The following DSC3 variants were observed in gnomAD, a reference collection of about 807,000 sequenced individuals.
The protein encoded by DSC3 is desmocollin 3, also known as desmocollin-3.
A neutral mutation model predicts 89.5 loss-of-function variants in DSC3; 97 were observed. That is an observed-to-expected ratio of 1.08 (90% confidence interval 0.92 to 1.28). DSC3 has a LOEUF of 1.28. Ranked by LOEUF, DSC3 falls within the 50% of genes most tolerant of loss-of-function variation. The probability of loss-of-function intolerance (pLI) is 0.00; values close to 1 mark genes in which losing one functional copy is unlikely to be tolerated. For missense variants in DSC3, 1,199 were observed against 1,085.3 expected, an observed-to-expected ratio of 1.10 and a Z score of -1.47; for synonymous variants, 436 against 384.1, an observed-to-expected ratio of 1.14 and a Z score of -1.58.
In DSC3 at chr18:31,025,793, C is replaced by A. The variant is rs2144721942; in HGVS notation, c.597G>T (p.Arg199=). The A allele has an allele frequency of 1.9e-6, 3 of 1,613,178 alleles. No individual in the cohort carries two copies. In the East Asian group the frequency reaches 6.7e-5, roughly 36 times the overall value. The stretch of plus-strand genomic sequence containing the variant: ...CATCATATTCTTCACGATCCACAGG[C>A]CGAGTGCAAAATAGATTTCCAGTGT... ...ERDTGNLFCT[R]PVDREEYDVF... Residue 199 remains arginine, a synonymous_variant, in exon 5 of 16, where the codon CGG becomes CGT. Transcript: ENST00000360428.
intron 12 of DSC3, among the ~76,000 whole-genome samples, chr18:31,006,143 C>G (rs1176824344): frequency 6.6e-6 from 1 of 152,134 alleles, no homozygotes; most frequent in Non-Finnish European, 1.5e-5. Flanking sequence ...CCCCTCAATA[C>G]TCCTTCCCAT....
chr18:31,040,911 A>T (rs1026480492), intron 1 of DSC3, among the ~76,000 whole-genome samples: 1 of 152,194 alleles, frequency 6.6e-6, no homozygotes, highest in Non-Finnish European at 1.5e-5. Flanking sequence ...TTGTAAACTG[A>T]CAATTGCAGA....
Position 31,004,231 on chromosome 18 carries a change from GTTGGATGAGTACAT to G in DSC3, c.2010_2023del (p.Glu670AspfsTer45). 1 of 1,613,994 alleles carries G rather than the reference GTTGGATGAGTACAT, an allele frequency of 6.2e-7. No individual in the cohort carries two copies. The highest frequency in any genetic ancestry group is 2.2e-5 in the East Asian group (1 of 44,862). Reference sequence around the variant, plus strand: ...ACTCCTTGAAGTCGCACGACACTGAGTTGGATGAGTACATTCACACAGATTAACTCTCAATAATT... The same window carrying G: ...ACTCCTTGAAGTCGCACGACACTGAGTCACACAGATTAACTCTCAATAATT... On this transcript the variant is annotated frameshift_variant, in exon 13 of 16. Coordinates refer to ENST00000360428, the MANE Select transcript of DSC3 (RefSeq NM_001941.5). LOFTEE classifies it high-confidence loss of function.
At chr18:31,013,958 T>A (rs563481167) in intron 9 of DSC3, among the ~76,000 whole-genome samples, 9 of 152,136 alleles carry the variant, frequency 5.9e-5, no homozygotes, top group Non-Finnish European at 1.3e-4. Flanking sequence ...ATAAAAAAAT[T>A]AGAATTTCCA....
intron 9 of DSC3, among the ~76,000 whole-genome samples, chr18:31,013,074 C>T (rs932748888): frequency 6.6e-6 from 1 of 152,098 alleles, no homozygotes; most frequent in Non-Finnish European, 1.5e-5. Flanking sequence ...GCATGGAACA[C>T]TGCAAATACT....
At chr18:31,016,244 A>G (rs1985232569) in intron 9 of DSC3, among the ~76,000 whole-genome samples, 1 of 152,190 alleles carries the variant, frequency 6.6e-6, no homozygotes, top group Non-Finnish European at 1.5e-5. Context: ...CTGCCTAGTG[A>G]GCAGCCCTGC....
chr18:31,035,320 A>C (rs1206412650), intron 1 of DSC3, among the ~76,000 whole-genome samples: 1 of 152,074 alleles, frequency 6.6e-6, no homozygotes, highest in Non-Finnish European at 1.5e-5. Context: ...AAAATATCAC[A>C]AAAATATGGA....
chr18:31,023,116 T>C (rs1239832658), intron 6 of DSC3, among the ~76,000 whole-genome samples: 1 of 152,036 alleles, frequency 6.6e-6, no homozygotes, highest in Non-Finnish European at 1.5e-5. Flanking sequence ...TTTTTTTTTC[T>C]CTGTTACTGT....
chr18:30,996,762 T>G, intron 15 of DSC3, 29 bp downstream of exon 15: 1 of 1,610,948 alleles, frequency 6.2e-7, no homozygotes, highest in East Asian at 2.2e-5. Flanking sequence ...GGTTTAAATT[T>G]TAGACTCAAA....
intron 3 of DSC3, among the ~76,000 whole-genome samples, 189 bp downstream of exon 3, chr18:31,030,784 T>C (rs534936450): frequency 1.2e-4 from 16 of 135,896 alleles, no homozygotes; most frequent in Admixed American, 3.0e-4. Flanking sequence ...AGGGAAGGAA[T>C]GAAAAGGACA....
intron 9 of DSC3, among the ~76,000 whole-genome samples, chr18:31,012,990 T>C (rs960519124): frequency 2.0e-5 from 3 of 152,060 alleles, no homozygotes; most frequent in African/African-American, 7.2e-5. Context: ...GATTTGAAAG[T>C]TCACATGGAA....
Position 31,025,665 on chromosome 18 carries a change from G to A in DSC3, c.630+95C>T. 3.8e-6 allele frequency: 5 copies of A among 1,312,592 alleles called. No individual in the cohort carries two copies. In the South Asian group the frequency reaches 6.0e-5, roughly 16 times the overall value. 81.3% of individuals were successfully genotyped at this position (1,312,592 alleles called of 1,614,324 possible). On this transcript the variant is annotated intron_variant, in intron 5 of 15. Transcript: ENST00000360428. ...TTGACTCTAAGATACCCTCTAAGAAGAGAATGCAAGGAGAGAGGAAAGAGT... is the reference window on the plus strand; with the variant it reads ...TTGACTCTAAGATACCCTCTAAGAAAAGAATGCAAGGAGAGAGGAAAGAGT...
intron 14 of DSC3, among the ~76,000 whole-genome samples, chr18:31,000,910 G>T (rs1984629158): frequency 6.6e-6 from 1 of 151,478 alleles, no homozygotes; most frequent in African/African-American, 2.4e-5. Flanking sequence ...CATAAAGTAG[G>T]ATCTATTTCT....
chr18:31,041,618 C>T (rs1007604847), intron 1 of DSC3, among the ~76,000 whole-genome samples: 2 of 152,326 alleles, frequency 1.3e-5, no homozygotes, highest in East Asian at 1.9e-4. Context: ...GTCGCGGGTC[C>T]GCGGCTCCTT....
chr18:30,994,080 T>C lies in DSC3; in HGVS notation c.*95A>G. 1 of 1,207,820 alleles carries C rather than the reference T, an allele frequency of 8.3e-7. No individual in the cohort carries two copies. The highest frequency in any genetic ancestry group is 1.2e-6 in the Non-Finnish European group (1 of 831,662). The allele number at this position is 1,207,820 out of a possible 1,614,324, so 74.8% of individuals were successfully genotyped here. On this transcript the variant is annotated 3_prime_UTR_variant, in exon 16 of 16. Coordinates refer to ENST00000360428, the MANE Select transcript of DSC3 (RefSeq NM_001941.5). ...GCATAATTCAAAATTGAGAAAAAAA[T>C]CATCATATACATACATGTTGAAATT... is the stretch of plus-strand genomic sequence containing the variant.
chr18:31,024,770 G>T (rs530951020), intron 5 of DSC3, among the ~76,000 whole-genome samples: 1 of 152,216 alleles, frequency 6.6e-6, no homozygotes, highest in Admixed American at 6.5e-5. Flanking sequence ...GGAATTAAAT[G>T]TGAATATAAA....
chr18:30,998,771 C>G (rs1598598013), intron 14 of DSC3, among the ~76,000 whole-genome samples: 1 of 151,900 alleles, frequency 6.6e-6, no homozygotes, highest in Non-Finnish European at 1.5e-5. Flanking sequence ...GTGGGAGCAG[C>G]CAATGATGTT....
chr18:31,034,453 T>TA, intron 1 of DSC3, among the ~76,000 whole-genome samples: 1 of 152,322 alleles, frequency 6.6e-6, no homozygotes, highest in Middle Eastern at 3.4e-3. Context: ...GTGGTGCAGA[T>TA]ACTTTGGAAA....
intron 6 of DSC3, among the ~76,000 whole-genome samples, chr18:31,022,775 A>G (rs1316698646): frequency 6.6e-6 from 1 of 152,198 alleles, no homozygotes; most frequent in Non-Finnish European, 1.5e-5. Flanking sequence ...TTAAATGGCA[A>G]TCAAAATTAA....
Sources: gnomAD v4.1 joint callset for allele counts (sites outside exome capture counted in the v4.1 genomes callset) on GRCh38, gnomAD v4.1.1 for gene constraint, MANE v1.5 for transcripts, NCBI Gene and HGNC (gene_info 2026-07-23, HGNC 2026-07-21) for gene names.